PKD1L1: variants seen among roughly 807,000 people sequenced by gnomAD.
PKD1L1 encodes polycystin 1 like 1, transient receptor potential channel interacting.
A neutral mutation model predicts 323.4 loss-of-function variants in PKD1L1; 236 were observed. That is an observed-to-expected ratio of 0.73 (90% CI 0.66 to 0.81). The LOEUF is 0.81. Ranked by LOEUF, PKD1L1 falls within the 40% of genes least tolerant of loss-of-function variation. The pLI, the probability that PKD1L1 is intolerant of heterozygous loss-of-function variation, is 0.00. For synonymous variants in PKD1L1, 1,344 were observed against 1,335.0 expected, an observed-to-expected ratio of 1.01 and a Z score of -0.15; for missense variants, 3,320 against 3,508.0, an observed-to-expected ratio of 0.95 and a Z score of 1.35.
At chr7:47,934,942 A>C (rs751554205) in intron 4 of PKD1L1, among the ~76,000 whole-genome samples, 3 of 152,202 alleles carry the variant, frequency 2.0e-5, no homozygotes, top group Middle Eastern at 3.2e-3. Flanking sequence ...TGAGGGCCCA[A>C]GACAGACTGT....
At chr7:47,869,778 G>C (rs62450666) in intron 24 of PKD1L1, among the ~76,000 whole-genome samples, 49,116 of 151,924 alleles carry the variant, frequency 0.32, 8,484 homozygotes, top group African/African-American at 0.43. Context: ...AACAAAATCA[G>C]ATACATATTC....
chr7:47,880,889 C>T (rs1786538661), intron 20 of PKD1L1, 84 bp from the exon 21 acceptor site: 3 of 1,042,892 alleles, frequency 2.9e-6, no homozygotes, highest in Non-Finnish European at 4.2e-6. Flanking sequence ...AAATGAGTTC[C>T]ACTCTTCCCC....
chr7:47,862,616 G>A (rs1786057221), intron 26 of PKD1L1, among the ~76,000 whole-genome samples: 1 of 152,192 alleles, frequency 6.6e-6, no homozygotes, highest in Non-Finnish European at 1.5e-5. Context: ...ATAACAGGAA[G>A]AGAGGATAAT....
intron 6 of PKD1L1, 128 bp from the exon 7 acceptor site, chr7:47,929,654 T>C: frequency 1.2e-6 from 1 of 824,094 alleles, no homozygotes; most frequent in Non-Finnish European, 1.9e-6. Context: ...GATGAAAGGC[T>C]TCACTTCCAC....
intron 26 of PKD1L1, among the ~76,000 whole-genome samples, chr7:47,862,708 G>A (rs558651714): frequency 6.6e-6 from 1 of 152,298 alleles, no homozygotes; most frequent in East Asian, 1.9e-4. Context: ...TGAAGGGCCA[G>A]CTATTTGAAA....
intron 13 of PKD1L1, among the ~76,000 whole-genome samples, chr7:47,899,540 G>A (rs1363215648): frequency 6.6e-6 from 1 of 152,048 alleles, no homozygotes; most frequent in Non-Finnish European, 1.5e-5. Flanking sequence ...GCATGGAGGA[G>A]CAAGCCAGGC....
At chr7:47,890,909 G>C in intron 15 of PKD1L1, 146 bp from the exon 16 acceptor site, 1 of 736,686 alleles carries the variant, frequency 1.4e-6, no homozygotes, top group East Asian at 2.7e-5. Context: ...ATTTTCTCCT[G>C]TAACTGAAGT....
rs544339481 is a variant in PKD1L1 at position 47,832,943 on chromosome 7, T to A, written c.6337+147A>T. 6.6e-6 allele frequency: 7 copies of A among 1,068,206 alleles called. No individual in the cohort carries two copies. The African/African-American group carries it at 8.0e-5, about 12-fold the overall frequency. The allele number at this position is 1,068,206 out of a possible 1,614,324, so 66.2% of individuals were successfully genotyped here. On this transcript the variant is annotated intron_variant, in intron 41 of 56. Coordinates refer to ENST00000289672, the MANE Select transcript of PKD1L1 (RefSeq NM_138295.5). ...GGAGGAAAGCTGGACGCCTCAGTTT[T>A]GGGTGGGCCCATGCCTGGTTTTTAG...
At chr7:47,837,855 G>C (rs1785490294) in intron 36 of PKD1L1, among the ~76,000 whole-genome samples, 1 of 152,218 alleles carries the variant, frequency 6.6e-6, no homozygotes, top group African/African-American at 2.4e-5. Flanking sequence ...AATATGAGCA[G>C]AGCACAGAAG....
At chr7:47,847,258 CCAGT>C (rs1482836856) in intron 31 of PKD1L1, among the ~76,000 whole-genome samples, 187 bp from the exon 32 acceptor site, 30 of 152,116 alleles carry the variant, frequency 2.0e-4, no homozygotes, top group Non-Finnish European at 8.8e-5. Flanking sequence ...TTAAATCCAC[CCAGT>C]CAAAGCTCCT....
At chr7:47,947,808 A>C (rs1294100124) in intron 1 of PKD1L1, among the ~76,000 whole-genome samples, 1 of 152,058 alleles carries the variant, frequency 6.6e-6, no homozygotes, top group African/African-American at 2.4e-5. Flanking sequence ...TCTACTAAAA[A>C]TACAAAAAAT....
chr7:47,827,368 C>G lies in PKD1L1; in HGVS notation c.6836G>C (p.Arg2279Pro). The G allele has an allele frequency of 6.2e-7, 1 of 1,612,240 alleles. No individual in the cohort carries two copies. Among genetic ancestry groups the G allele is most frequent in the Non-Finnish European group, 8.5e-7 (1 of 1,179,330 alleles). ...CACCCACCTCAGGGCAGCCCGTGTGCGACTCTCTCTCCTCATCCTCTGTCT... is the reference window on the plus strand; with the variant it reads ...CACCCACCTCAGGGCAGCCCGTGTGGGACTCTCTCTCCTCATCCTCTGTCT... The part of the protein sequence containing the change: ...GTRQRMRRES[R>P]TRAALRDISM... Residue 2279 changes from arginine to proline, a missense_variant, in exon 45 of 57, where the codon CGC becomes CCC. Coordinates refer to ENST00000289672, the MANE Select transcript of PKD1L1 (RefSeq NM_138295.5).
intron 17 of PKD1L1, 123 bp from the exon 18 acceptor site, chr7:47,886,177 T>G: frequency 7.7e-7 from 1 of 1,299,516 alleles, no homozygotes; most frequent in Non-Finnish European, 1.0e-6. Flanking sequence ...TTTGAAAACC[T>G]ACACTTAAGA....
rs753037272 is a variant in PKD1L1 at position 47,940,319 on chromosome 7, T to TAG, written c.161-4_161-3dup. The TAG allele has an allele frequency of 3.1e-6, 5 of 1,599,056 alleles. No individual in the cohort carries two copies. The highest frequency in any genetic ancestry group is 2.2e-5 in the East Asian group (1 of 44,616). ...GAAGCACATGATTAGCATAGACCTC[T>TAG]AGAGAAAAAAAAAAAAGCAAACATT... On this transcript the variant is annotated splice_polypyrimidine_tract_variant and splice_region_variant and intron_variant, in intron 2 of 56. Coordinates refer to ENST00000289672, the MANE Select transcript of PKD1L1 (RefSeq NM_138295.5).
chr7:47,802,310 G>A (rs1783392142), intron 53 of PKD1L1, among the ~76,000 whole-genome samples: 1 of 152,148 alleles, frequency 6.6e-6, no homozygotes, highest in South Asian at 2.1e-4. Flanking sequence ...TAACCTTCGG[G>A]GCAAATGTCG....
chr7:47,829,998 C>A, intron 43 of PKD1L1, 42 bp downstream of exon 43: 1 of 1,570,902 alleles, frequency 6.4e-7, no homozygotes, highest in African/African-American at 1.4e-5. Context: ...TCTAGGTCCC[C>A]TGCTGATGGA....
At chr7:47,792,316 T>A (rs1481831032) in intron 56 of PKD1L1, among the ~76,000 whole-genome samples, 1 of 152,074 alleles carries the variant, frequency 6.6e-6, no homozygotes, top group Non-Finnish European at 1.5e-5. Flanking sequence ...ATTTCTGGGT[T>A]TTTTTTTGTT....
chr7:47,788,152 TTAAGAA>T (rs909585975), intron 56 of PKD1L1, among the ~76,000 whole-genome samples: 2 of 152,070 alleles, frequency 1.3e-5, no homozygotes, highest in African/African-American at 2.4e-5. Context: ...TTCATTTTTA[TTAAGAA>T]TATGTTTTAA....
intron 18 of PKD1L1, among the ~76,000 whole-genome samples, chr7:47,885,087 C>A (rs552303677): frequency 6.6e-6 from 1 of 152,302 alleles, no homozygotes; most frequent in Admixed American, 6.5e-5. Context: ...CGCCTCCTGT[C>A]CCCTCAGCCC....
Sources: gnomAD v4.1 joint callset for allele counts (sites outside exome capture counted in the v4.1 genomes callset) on GRCh38, gnomAD v4.1.1 for gene constraint, MANE v1.5 for transcripts, NCBI Gene and HGNC (gene_info 2026-07-23, HGNC 2026-07-21) for gene names.